PCDHGA3: variants seen among roughly 807,000 people sequenced by gnomAD.
PCDHGA3 encodes protocadherin gamma subfamily A, 3.
PCDHGA3 carries 40 observed loss-of-function variants against 58.5 expected under a neutral mutation model. The observed-to-expected ratio is 0.68, with a 90% CI of 0.53 to 0.89. The LOEUF (loss-of-function observed/expected upper bound fraction) is 0.89. Ranked by LOEUF, PCDHGA3 falls within the 40% of genes least tolerant of loss-of-function variation. The probability of loss-of-function intolerance (pLI) is 0.00; values close to 1 mark genes in which losing one functional copy is unlikely to be tolerated. For synonymous variants in PCDHGA3, 530 were observed against 525.7 expected, an observed-to-expected ratio of 1.01 and a Z score of -0.11; for missense variants, 1,223 against 1,195.9, an observed-to-expected ratio of 1.02 and a Z score of -0.33.
At chr5:141,376,299 A>T (rs1314928354) in intron 1 of PCDHGA3, 2 of 1,614,164 alleles carry the variant, frequency 1.2e-6, no homozygotes, top group Non-Finnish European at 1.7e-6. Flanking sequence ...CCCGGCTCGC[A>T]CTTTGTGGGC....
Position 141,491,140 on chromosome 5 carries a change from T to A in PCDHGA3, c.2425-3667T>A, listed in dbSNP as rs1392575961. On this transcript the variant is annotated intron_variant, in intron 1 of 3. Coordinates refer to ENST00000253812, the MANE Select transcript of PCDHGA3 (RefSeq NM_018916.4). This position sits in a 1 kb window ranked among gnomAD's most constrained non-coding sequence, Gnocchi z 6.9. ...TGGTGAGGTGCGCACAGCCCGGGCC[T>A]TACTGGAGGATGACTCTGACACCCA... 2 of 1,614,110 alleles carry A rather than the reference T, an allele frequency of 1.2e-6. No individual in the cohort carries two copies. Among genetic ancestry groups the A allele is most frequent in the Non-Finnish European group, 1.7e-6 (2 of 1,179,992 alleles).
In PCDHGA3 at chr5:141,345,665, C is replaced by G; in HGVS notation, c.1632C>G (p.Ser544Arg). ...ACAGCGGGAACCCTCCACTCAGCAG[C>G]AACGTGTCGCTGAACCTGTTCGTGC... ...ASDSGNPPLS[S>R]NVSLNLFVLD... Residue 544 changes from serine (S) to arginine (R), a missense_variant, in exon 1 of 4, where the codon AGC becomes AGG. Physicochemically the swap from Ser to Arg is moderately radical, Grantham distance 110. This residue lies in a region of PCDHGA3 where 791 missense variants were observed against 708.5 expected (regional missense o/e 1.12). Coordinates refer to ENST00000253812, the MANE Select transcript of PCDHGA3 (RefSeq NM_018916.4). The G allele has an allele frequency of 2.5e-6, 4 of 1,614,246 alleles. No individual in the cohort carries two copies. Among genetic ancestry groups the G allele is most frequent in the Non-Finnish European group, 3.4e-6 (4 of 1,180,048 alleles).
At chr5:141,419,117 G>A (rs1362880648) in intron 1 of PCDHGA3, 2 of 1,613,836 alleles carry the variant, frequency 1.2e-6, no homozygotes, top group Non-Finnish European at 1.7e-6. Flanking sequence ...AGAGTACAAC[G>A]TCACCATCGC....
Position 141,491,383 on chromosome 5 carries a change from A to C in PCDHGA3, c.2425-3424A>C. The C allele has an allele frequency of 6.2e-7, 1 of 1,614,036 alleles. No individual in the cohort carries two copies. The highest frequency in any genetic ancestry group is 8.5e-7 in the Non-Finnish European group (1 of 1,179,962). ...AGTCACCTTCACCTTTCTGTCAGCG[A>C]AGTGCCTTCAGGGAAACGCAGACGG... On this transcript the variant is annotated intron_variant, in intron 1 of 3. Transcript: ENST00000253812. This position sits in a 1 kb window ranked among gnomAD's most constrained non-coding sequence, Gnocchi z 6.9.
chr5:141,432,863 T>C lies in PCDHGA3; in HGVS notation c.2425-61944T>C, dbSNP rs762979829. On this transcript the variant is annotated intron_variant, in intron 1 of 3. Coordinates refer to ENST00000253812, the MANE Select transcript of PCDHGA3 (RefSeq NM_018916.4). This position sits in a 1 kb window ranked among gnomAD's most constrained non-coding sequence, Gnocchi z 6.0. ...GGTGGTAGCGGTGGCCGCGGTCTCCTGCGTCTTCCTGGCCTTCGTCATCTT... is the reference window on the plus strand; with the variant it reads ...GGTGGTAGCGGTGGCCGCGGTCTCCCGCGTCTTCCTGGCCTTCGTCATCTT... 20 of 1,614,192 alleles carry C rather than the reference T, an allele frequency of 1.2e-5. No individual in the cohort carries two copies. Among genetic ancestry groups the C allele is most frequent in the Admixed American group, 6.7e-5 (4 of 60,032 alleles).
chr5:141,372,040 G>T, intron 1 of PCDHGA3: 1 of 1,613,472 alleles, frequency 6.2e-7, no homozygotes, highest in Non-Finnish European at 8.5e-7. Flanking sequence ...GTGAGCCTGC[G>T]CGTGTTGGTG....
chr5:141,350,539 C>A (rs1758498017), intron 1 of PCDHGA3: 1 of 1,613,968 alleles, frequency 6.2e-7, no homozygotes, highest in East Asian at 2.2e-5. Context: ...AGAAGATTTG[C>A]GGAAGGAAAC....
intron 1 of PCDHGA3, chr5:141,362,627 G>T: frequency 1.3e-6 from 2 of 1,505,114 alleles, no homozygotes; most frequent in Non-Finnish European, 1.8e-6. Flanking sequence ...AAGTTCCACT[G>T]CGTATTTCTT....
intron 1 of PCDHGA3, among the ~76,000 whole-genome samples, chr5:141,443,369 C>T (rs1403494558): frequency 6.6e-6 from 1 of 151,848 alleles, no homozygotes; most frequent in African/African-American, 2.4e-5. Context: ...CCTGTGGTCT[C>T]AGCTACTTGG....
In PCDHGA3 at chr5:141,511,149, G is replaced by T; in HGVS notation, c.2775G>T (p.Lys925Asn). The change falls in exon 4 of 4, where the codon AAG becomes AAT. Residue 925 changes from lysine to asparagine, a missense_variant. By Grantham distance (94) the Lys-to-Asn change is moderately conservative. Transcript: ENST00000253812. ...APAGGNGNKKKSGKKEKK is the reference protein window; with the variant it reads ...APAGGNGNKKNSGKKEKK The stretch of plus-strand genomic sequence containing the variant: ...CAGGTGGCAATGGCAACAAGAAGAA[G>T]TCGGGCAAGAAGGAGAAGAAGTAAC... 1 of 1,614,176 alleles carries T rather than the reference G, an allele frequency of 6.2e-7. No homozygotes were observed. The highest frequency in any genetic ancestry group is 8.5e-7 in the Non-Finnish European group (1 of 1,179,998).
intron 1 of PCDHGA3, among the ~76,000 whole-genome samples, chr5:141,472,611 G>T (rs1055885253): frequency 1.3e-5 from 2 of 151,938 alleles, no homozygotes; most frequent in South Asian, 4.1e-4. Context: ...ATAAAACAAA[G>T]AAGAAAAAAG....
In PCDHGA3 at chr5:141,487,087, C is replaced by G. The variant is rs752261507; in HGVS notation, c.2425-7720C>G. 1.2e-6 allele frequency: 2 copies of G among 1,613,890 alleles called. No homozygotes were observed. Among genetic ancestry groups the G allele is most frequent in the Non-Finnish European group, 1.7e-6 (2 of 1,179,804 alleles). ...CGGCTGTTCCTATCCCAGCTGACCT[C>G]CCACCACAGAAGCTGGTCATTGTGG... On this transcript the variant is annotated intron_variant, in intron 1 of 3. Transcript: ENST00000253812. The surrounding 1 kb of genome is among the most constrained non-coding windows in gnomAD (Gnocchi z 5.0).
intron 1 of PCDHGA3, among the ~76,000 whole-genome samples, chr5:141,380,453 A>T (rs1776506198): frequency 6.6e-6 from 1 of 152,216 alleles, no homozygotes; most frequent in Non-Finnish European, 1.5e-5. Context: ...TTTTAATGCA[A>T]CCAAACAAAT....
chr5:141,430,622 A>T, intron 1 of PCDHGA3: 1 of 752,270 alleles, frequency 1.3e-6, no homozygotes, highest in Admixed American at 2.9e-5. Context: ...GATAGCTAGG[A>T]ATGAACCATC....
Position 141,485,795 on chromosome 5 carries a change from T to G in PCDHGA3, c.2425-9012T>G, listed in dbSNP as rs1225630684. On this transcript the variant is annotated intron_variant, in intron 1 of 3. Coordinates refer to ENST00000253812, the MANE Select transcript of PCDHGA3 (RefSeq NM_018916.4). The surrounding 1 kb of genome is among the most constrained non-coding windows in gnomAD (Gnocchi z 5.7). ...TTTGGATCGAGAGAAGCAATCGGAC[T>G]ACCGCCTGGTGCTGACTGCTGTCGA... 16 of 1,614,092 alleles carry G rather than the reference T, an allele frequency of 9.9e-6. No individual in the cohort carries two copies. The highest frequency in any genetic ancestry group is 1.1e-5 in the Non-Finnish European group (13 of 1,180,046).
chr5:141,464,640 C>T (rs1482089475), intron 1 of PCDHGA3, among the ~76,000 whole-genome samples: 2 of 151,952 alleles, frequency 1.3e-5, no homozygotes, highest in Admixed American at 6.6e-5. Context: ...TTGTTGCCAA[C>T]CTGATGGGTA....
At chr5:141,404,819 A>G in intron 1 of PCDHGA3, 1 of 1,608,430 alleles carries the variant, frequency 6.2e-7, no homozygotes, top group South Asian at 1.1e-5. Flanking sequence ...GGGGCTGCAC[A>G]CAGGTGAAGT....
In PCDHGA3 at chr5:141,431,059, C is replaced by G. The variant is rs367774626; in HGVS notation, c.2425-63748C>G. ...GGGAGGAGCTCTGTATGGGGGCCAT[C>G]AAGTGTCAATTAAATCTAGACATTC... On this transcript the variant is annotated intron_variant, in intron 1 of 3. Coordinates refer to ENST00000253812, the MANE Select transcript of PCDHGA3 (RefSeq NM_018916.4). This position sits in a 1 kb window ranked among gnomAD's most constrained non-coding sequence, Gnocchi z 4.8. 1 of 1,614,136 alleles carries G rather than the reference C, an allele frequency of 6.2e-7. No individual in the cohort carries two copies.
chr5:141,403,697 G>A (rs1230785832), intron 1 of PCDHGA3: 5 of 1,613,830 alleles, frequency 3.1e-6, no homozygotes, highest in Admixed American at 1.7e-5. Context: ...GATTTACCGA[G>A]TTAAAGTCCT....
Sources: allele counts gnomAD v4.1 joint callset (sites outside exome capture counted in the v4.1 genomes callset), GRCh38; gene constraint gnomAD v4.1.1; regional missense constraint gnomAD v4.1.1; non-coding constraint Gnocchi (gnomAD v3.1); transcripts MANE v1.5; gene names NCBI Gene and HGNC (gene_info 2026-07-23, HGNC 2026-07-21).